LRMDA: variants seen among roughly 807,000 people sequenced by gnomAD.
LRMDA encodes leucine rich melanocyte differentiation associated.
LRMDA carries 18 observed loss-of-function variants against 29.8 expected under a neutral mutation model. The observed-to-expected ratio is 0.60, with a 90% CI of 0.42 to 0.90. The LOEUF (loss-of-function observed/expected upper bound fraction) is 0.90. Among genes scored for constraint, LRMDA ranks in the 40% least tolerant of loss-of-function variants. The pLI is 0.00. For missense variants in LRMDA, 273 were observed against 273.9 expected, an observed-to-expected ratio of 1.00 and a Z score of 0.02; for synonymous variants, 125 against 109.4, an observed-to-expected ratio of 1.14 and a Z score of -0.89.
chr10:76,277,265 A>G (rs557419440), intron 5 of LRMDA, among the ~76,000 whole-genome samples: 33 of 152,268 alleles, frequency 2.2e-4, no homozygotes, highest in South Asian at 8.3e-4. Flanking sequence ...AAAAAGAACA[A>G]TAAACCCAGA....
rs529198468 is a variant in LRMDA, at chr10:76,200,849, C to T, written c.517-123552C>T. On this transcript the variant is annotated intron_variant, in intron 5 of 6. Coordinates refer to ENST00000611255, the MANE Select transcript of LRMDA (RefSeq NM_001305581.2). ...TCTCCTGCCTCAGCCTCCTGAGTAG[C>T]TGGGATTACAGGTGCCTGCCACCAC... Among the ~76,000 whole-genome samples the T allele has an allele frequency of 1.5e-3, 223 of 151,118 alleles. 1 individual carries two copies. The South Asian group carries it at 0.016, about 11-fold the overall frequency.
At chr10:76,540,057 CACA>C (rs1843335801) in intron 6 of LRMDA, among the ~76,000 whole-genome samples, 1 of 152,000 alleles carries the variant, frequency 6.6e-6, no homozygotes, top group Non-Finnish European at 1.5e-5. Flanking sequence ...GAAGTAGACA[CACA>C]ACATGTAGTA....
At chr10:75,866,824 G>A (rs1382106926) in intron 2 of LRMDA, among the ~76,000 whole-genome samples, 3 of 152,202 alleles carry the variant, frequency 2.0e-5, no homozygotes, top group Admixed American at 6.5e-5. Flanking sequence ...TCTGTTTGAA[G>A]CTAACGTCAC....
intron 2 of LRMDA, among the ~76,000 whole-genome samples, chr10:75,862,047 T>C (rs1461419733): frequency 6.6e-6 from 1 of 152,070 alleles, no homozygotes; most frequent in Non-Finnish European, 1.5e-5. Context: ...AACAAATACA[T>C]GAGGGGCCTC....
chr10:75,781,897 T>C (rs1232881846), intron 2 of LRMDA, among the ~76,000 whole-genome samples: 1 of 152,214 alleles, frequency 6.6e-6, no homozygotes, highest in Non-Finnish European at 1.5e-5. Flanking sequence ...ACACCCAGGT[T>C]TTCTCTCTCT....
intron 2 of LRMDA, among the ~76,000 whole-genome samples, chr10:75,572,339 C>CTT (rs1257556868): frequency 1.4e-5 from 2 of 145,830 alleles, no homozygotes; most frequent in Admixed American, 6.9e-5. Context: ...TCTTTTTCAG[C>CTT]TTTTTTTTTT....
intron 5 of LRMDA, among the ~76,000 whole-genome samples, chr10:76,203,701 A>G (rs1485031346): frequency 2.8e-5 from 4 of 145,268 alleles, no homozygotes; most frequent in African/African-American, 7.7e-5. Flanking sequence ...ACCCATCTCT[A>G]TTCCATGTAC....
chr10:76,118,261 A>G (rs1320256220), intron 5 of LRMDA, among the ~76,000 whole-genome samples: 2 of 146,026 alleles, frequency 1.4e-5, no homozygotes, highest in African/African-American at 4.9e-5. Flanking sequence ...TTTCTTGAGC[A>G]GAGAGAGAGG....
At chr10:75,494,958 C>T (rs539032723) in intron 2 of LRMDA, among the ~76,000 whole-genome samples, 301 of 152,284 alleles carry the variant, frequency 2.0e-3, no homozygotes, top group Middle Eastern at 3.4e-3. Context: ...TGTCCACATT[C>T]CAGGCTGGCA....
intron 6 of LRMDA, among the ~76,000 whole-genome samples, chr10:76,487,057 A>T (rs544743812): frequency 6.6e-6 from 1 of 151,944 alleles, no homozygotes; most frequent in African/African-American, 2.4e-5. Flanking sequence ...TAAGATGGAA[A>T]TTTTTTTTCT....
chr10:75,828,684 C>T (rs370667736), intron 2 of LRMDA, among the ~76,000 whole-genome samples: 1 of 152,172 alleles, frequency 6.6e-6, no homozygotes, highest in Non-Finnish European at 1.5e-5. Flanking sequence ...CAGCAGTAAT[C>T]TCTGCAGAGG....
intron 5 of LRMDA, among the ~76,000 whole-genome samples, chr10:76,168,841 T>C (rs530310857): frequency 9.3e-4 from 141 of 152,350 alleles, no homozygotes; most frequent in African/African-American, 3.2e-3. Context: ...GATCTCATTT[T>C]ATCCTTGACA....
intron 2 of LRMDA, among the ~76,000 whole-genome samples, chr10:75,614,022 T>C (rs1841068052): frequency 6.6e-6 from 1 of 152,056 alleles, no homozygotes; most frequent in African/African-American, 2.4e-5. Flanking sequence ...CTTCAGCATG[T>C]GAGGAGTCAA....
intron 3 of LRMDA, 123 bp from the exon 4 acceptor site, chr10:76,047,041 A>T: frequency 9.3e-7 from 1 of 1,070,194 alleles, no homozygotes; most frequent in Non-Finnish European, 1.4e-6. Context: ...AGCTGAATTG[A>T]TTTCAGCCCC....
chr10:76,157,903 G>A (rs553820853), intron 5 of LRMDA, among the ~76,000 whole-genome samples: 1 of 152,172 alleles, frequency 6.6e-6, no homozygotes, highest in Non-Finnish European at 1.5e-5. Context: ...CTCCTGAGCT[G>A]CAAACCTGTA....
intron 2 of LRMDA, among the ~76,000 whole-genome samples, chr10:75,969,801 T>C (rs574373925): frequency 6.6e-6 from 1 of 152,308 alleles, no homozygotes; most frequent in Admixed American, 6.5e-5. Flanking sequence ...GAGCTCTGAG[T>C]CCTCAGACCC....
At chr10:75,655,523 G>T (rs966701369) in intron 2 of LRMDA, among the ~76,000 whole-genome samples, 1 of 152,212 alleles carries the variant, frequency 6.6e-6, no homozygotes. Flanking sequence ...CTGATCATTT[G>T]TGGTGTCCTG....
chr10:76,059,331 G>A (rs899880098), intron 5 of LRMDA, among the ~76,000 whole-genome samples: 1 of 152,206 alleles, frequency 6.6e-6, no homozygotes, highest in Non-Finnish European at 1.5e-5. Flanking sequence ...GATTAGAGTG[G>A]TGTTTACTGA....
chr10:75,468,144 C>A (rs866866026), intron 2 of LRMDA, among the ~76,000 whole-genome samples: 5 of 152,276 alleles, frequency 3.3e-5, no homozygotes, highest in African/African-American at 1.2e-4. Context: ...TGGAACCAGG[C>A]AAAAGTATTT....
Sources: gnomAD v4.1 joint callset for allele counts (sites outside exome capture counted in the v4.1 genomes callset) on GRCh38, gnomAD v4.1.1 for gene constraint, MANE v1.5 for transcripts, NCBI Gene and HGNC (gene_info 2026-07-23, HGNC 2026-07-21) for gene names.